The following TMEM230 variants were observed in gnomAD, a reference collection of about 807,000 sequenced individuals.
TMEM230 encodes transmembrane protein 230.
A neutral mutation model predicts 15.8 loss-of-function variants in TMEM230; 10 were observed. The observed-to-expected ratio is 0.63, with a 90% CI of 0.39 to 1.07. The LOEUF is 1.07. Ranked by LOEUF, TMEM230 falls within the 50% of genes least tolerant of loss-of-function variation. TMEM230 has a pLI of 0.01. For synonymous variants in TMEM230, 67 were observed against 76.9 expected, an observed-to-expected ratio of 0.87 and a Z score of 0.68; for missense variants, 165 against 193.3, an observed-to-expected ratio of 0.85 and a Z score of 0.87.
chr20:5,086,224 T>C (rs1197528092), intron 3 of TMEM230, among the ~76,000 whole-genome samples: 2 of 126,740 alleles, frequency 1.6e-5, no homozygotes, highest in African/African-American at 6.1e-5. Context: ...GAGACCTCAT[T>C]TCTATTAAAA....
intron 3 of TMEM230, among the ~76,000 whole-genome samples, chr20:5,070,623 T>G (rs1350505943): frequency 6.6e-6 from 1 of 152,218 alleles, no homozygotes; most frequent in Non-Finnish European, 1.5e-5. Context: ...ACAGGTGGCC[T>G]CCTTTCACCA....
chr20:5,111,607 TAAAAAAAAAAAAAAAA>T lies in TMEM230; in HGVS notation c.69-18_69-3del, dbSNP rs758119588. ...CTGGGCGACAGAACTAGACTCCATC[TAAAAAAAAAAAAAAAA>T]AAAAAAAAAAAAAAAAAAAAAAAAT... On this transcript the variant is annotated splice_region_variant and splice_polypyrimidine_tract_variant and intron_variant, in intron 1 of 4. Transcript: ENST00000342308. The T allele has an allele frequency of 1.1e-3, 62 of 58,980 alleles. No individual in the cohort carries two copies. Among genetic ancestry groups the T allele is most frequent in the Non-Finnish European group, 1.3e-3 (43 of 34,206 alleles). The allele number at this position is 58,980 out of a possible 1,614,324, so 3.7% of individuals were successfully genotyped here. A position where few individuals can be genotyped will look rare whatever the true frequency, so the allele number is the denominator to read the frequency against.
intron 3 of TMEM230, among the ~76,000 whole-genome samples, chr20:5,087,198 A>G (rs1460701271): frequency 6.6e-6 from 1 of 152,140 alleles, no homozygotes; most frequent in Non-Finnish European, 1.5e-5. Flanking sequence ...AAAGTCTGGA[A>G]GATGACAGGA....
chr20:5,104,495 C>G (rs1399258159), intron 4 of TMEM230, among the ~76,000 whole-genome samples: 3 of 152,132 alleles, frequency 2.0e-5, no homozygotes, highest in Non-Finnish European at 2.9e-5. Context: ...ATAGAACTAC[C>G]ATATGATCCA....
downstream of TMEM230, among the ~76,000 whole-genome samples, chr20:5,095,733 T>A (rs1168342190): frequency 6.6e-6 from 1 of 152,140 alleles, no homozygotes; most frequent in Non-Finnish European, 1.5e-5. Context: ...GTTCTTGACA[T>A]ACAGGGCTCT....
At chr20:5,090,177 G>A (rs1225199729) in intron 3 of TMEM230, among the ~76,000 whole-genome samples, 1 of 152,090 alleles carries the variant, frequency 6.6e-6, no homozygotes, top group African/African-American at 2.4e-5. Flanking sequence ...AGGAAACCAA[G>A]GTATGAGTGA....
intron 3 of TMEM230, among the ~76,000 whole-genome samples, chr20:5,072,666 T>C (rs1465522831): frequency 6.6e-6 from 1 of 151,810 alleles, no homozygotes; most frequent in Non-Finnish European, 1.5e-5. Flanking sequence ...CTGACCAATA[T>C]GGTGAAACCC....
rs563832825 is a variant in TMEM230, at chr20:5,076,752, A to C, written c.223-7403T>G. On this transcript the variant is annotated intron_variant, in intron 3 of 3. Transcript: ENST00000612323. Reference sequence around the variant, plus strand: ...GAGTGCAGTGGTACAGTCTTGGCTCACTGCAACCTCTGCCTCCTGGGTTCA... The same window carrying C: ...GAGTGCAGTGGTACAGTCTTGGCTCCCTGCAACCTCTGCCTCCTGGGTTCA... Among the ~76,000 whole-genome samples the C allele has an allele frequency of 2.6e-4, 35 of 136,018 alleles. 2 individuals carry two copies. The highest frequency in any genetic ancestry group is 4.2e-3 in the Middle Eastern group (1 of 240). The allele number at this position is 136,018 out of a possible 152,430, so 89.2% of individuals were successfully genotyped here. A position where few individuals can be genotyped will look rare whatever the true frequency, so the allele number is the denominator to read the frequency against.
chr20:5,099,468 CTGAGTT>C (rs563061901), downstream of TMEM230, among the ~76,000 whole-genome samples: 94 of 150,590 alleles, frequency 6.2e-4, 1 homozygote, highest in African/African-American at 2.2e-3. Flanking sequence ...CCCTCACTTC[CTGAGTT>C]TTTTTTTTTT....
intron 3 of TMEM230, among the ~76,000 whole-genome samples, chr20:5,070,214 T>G (rs1490412474): frequency 2.0e-5 from 3 of 152,036 alleles, no homozygotes; most frequent in East Asian, 1.9e-4. Context: ...GCATCAACTC[T>G]CCAGTTGATT....
At chr20:5,105,077 G>A (rs186327245) in intron 4 of TMEM230, among the ~76,000 whole-genome samples, 1 of 152,340 alleles carries the variant, frequency 6.6e-6, no homozygotes, top group Admixed American at 6.5e-5. Flanking sequence ...TTGAGGTCAG[G>A]AGTTCATGAC....
At chr20:5,088,308 C>CAAAAA (rs777211538) in intron 3 of TMEM230, among the ~76,000 whole-genome samples, 1 of 51,120 alleles carries the variant, frequency 2.0e-5, no homozygotes, top group Non-Finnish European at 4.5e-5. Flanking sequence ...GACTCTGTCT[C>CAAAAA]AAAAAAAAAA....
chr20:5,070,128 C>A (rs1284910657), intron 3 of TMEM230, among the ~76,000 whole-genome samples: 1 of 152,118 alleles, frequency 6.6e-6, no homozygotes, highest in Non-Finnish European at 1.5e-5. Flanking sequence ...TCTCTTGGAA[C>A]TTTGCTCTCG....
chr20:5,063,016 C>T, the TMEM230 span, among the ~76,000 whole-genome samples: 8 of 152,012 alleles, frequency 5.3e-5, no homozygotes, highest in African/African-American at 7.2e-5. Context: ...TCATAAGTTA[C>T]GAGGGAGGGA....
intron 3 of TMEM230, among the ~76,000 whole-genome samples, chr20:5,070,105 G>A (rs1287286550): frequency 6.6e-6 from 1 of 152,040 alleles, no homozygotes; most frequent in Non-Finnish European, 1.5e-5. Context: ...AAGCCTTACG[G>A]GTCTCATCTA....
chr20:5,072,901 A>G (rs1398515677), intron 3 of TMEM230, among the ~76,000 whole-genome samples: 1 of 150,540 alleles, frequency 6.6e-6, no homozygotes, highest in Admixed American at 6.7e-5. Flanking sequence ...CTCTGTGGAG[A>G]CTGATGACTT....
chr20:5,059,732 G>A, the TMEM230 span, among the ~76,000 whole-genome samples: 3 of 146,814 alleles, frequency 2.0e-5, no homozygotes, highest in African/African-American at 7.6e-5. Flanking sequence ...AGCCTCCAGA[G>A]TAGCTGGGAC....
downstream of TMEM230, among the ~76,000 whole-genome samples, chr20:5,097,946 C>G (rs181255210): frequency 2.7e-5 from 4 of 146,848 alleles, no homozygotes; most frequent in African/African-American, 7.4e-5. Context: ...TACTTCCTAC[C>G]TAAGAATCTT....
chr20:5,102,987 A>G (rs924719423), intron 4 of TMEM230, among the ~76,000 whole-genome samples: 7 of 152,256 alleles, frequency 4.6e-5, no homozygotes, highest in African/African-American at 1.7e-4. Context: ...ATACAAACCA[A>G]TCAATGTGAT....
Sources: allele counts gnomAD v4.1 joint callset (sites outside exome capture counted in the v4.1 genomes callset), GRCh38; gene constraint gnomAD v4.1.1; transcripts MANE v1.5; gene names NCBI Gene and HGNC (gene_info 2026-07-23, HGNC 2026-07-21).